The following GALK2 variants were observed in gnomAD, a reference collection of about 807,000 sequenced individuals.
GALK2 encodes N-acetylgalactosamine kinase.
A neutral mutation model predicts 52.4 loss-of-function variants in GALK2; 36 were observed. That is an observed-to-expected ratio of 0.69 (90% CI 0.53 to 0.91). The LOEUF (loss-of-function observed/expected upper bound fraction) is 0.91, where lower values mean the gene tolerates loss of function less well. Among genes scored for constraint, GALK2 ranks in the 40% least tolerant of loss-of-function variants. The pLI, the probability that GALK2 is intolerant of heterozygous loss-of-function variation, is 0.00. For synonymous variants in GALK2, 176 were observed against 199.1 expected (o/e 0.88, Z 0.98); for missense variants, 579 against 559.1 (o/e 1.04, Z -0.36).
chr15:49,234,219 ATTT>A (rs2090664988), intron 3 of GALK2, among the ~76,000 whole-genome samples: 1 of 152,068 alleles, frequency 6.6e-6, no homozygotes. Flanking sequence ...TTATCTGCCT[ATTT>A]TTCATTTTGA....
chr15:49,325,084 T>A (rs2037238813), intron 9 of GALK2, among the ~76,000 whole-genome samples: 1 of 152,184 alleles, frequency 6.6e-6, no homozygotes, highest in Non-Finnish European at 1.5e-5. Context: ...ACTTAGTAAG[T>A]GCTTTATGGT....
intron 3 of GALK2, among the ~76,000 whole-genome samples, chr15:49,354,824 A>G (rs1264736673): frequency 1.3e-5 from 2 of 151,964 alleles, no homozygotes; most frequent in African/African-American, 2.4e-5. Flanking sequence ...TAACCTCTGC[A>G]GACTTAAATG....
chr15:49,161,603 A>T (rs1208143046), intron 1 of GALK2: 1 of 152,202 alleles, frequency 6.6e-6, no homozygotes. Flanking sequence ...AGTGGATCCT[A>T]TGTTTTTAAA....
chr15:49,213,171 C>G (rs1323746221), intron 2 of GALK2, among the ~76,000 whole-genome samples: 1 of 152,112 alleles, frequency 6.6e-6, no homozygotes, highest in African/African-American at 2.4e-5. Flanking sequence ...TCTGAGTGCT[C>G]CAGCATTGGG....
chr15:49,209,896 G>A (rs947386517), intron 2 of GALK2, among the ~76,000 whole-genome samples: 3 of 152,164 alleles, frequency 2.0e-5, no homozygotes, highest in African/African-American at 4.8e-5. Context: ...TTGCAAGTCT[G>A]AAAAGAATTG....
intron 3 of GALK2, among the ~76,000 whole-genome samples, chr15:49,222,119 T>C (rs927657237): frequency 6.6e-6 from 1 of 152,144 alleles, no homozygotes; most frequent in Non-Finnish European, 1.5e-5. Context: ...ATCTTTCATC[T>C]CCTTGGTTAA....
chr15:49,174,637 C>G (rs1167185439), intron 1 of GALK2, among the ~76,000 whole-genome samples: 1 of 152,166 alleles, frequency 6.6e-6, no homozygotes, highest in African/African-American at 2.4e-5. Flanking sequence ...AGCCACAGCA[C>G]TTGGCCTATT....
Position 49,308,671 on chromosome 15 carries a change from G to C in GALK2, c.968-10933G>C, listed in dbSNP as rs564787972. Among the ~76,000 whole-genome samples the C allele has an allele frequency of 3.9e-5, 6 of 152,282 alleles. No individual in the cohort carries two copies. In the South Asian group the frequency reaches 1.2e-3, roughly 32 times the overall value. Reference sequence around the variant, plus strand: ...AAAGAATGAGGGAGATGATGGTCCAGCTCTCCCTTGCAGTCATCAGCTGAC... The same window carrying C: ...AAAGAATGAGGGAGATGATGGTCCACCTCTCCCTTGCAGTCATCAGCTGAC... On this transcript the variant is annotated intron_variant, in intron 8 of 9. Coordinates refer to ENST00000560031, the MANE Select transcript of GALK2 (RefSeq NM_002044.4).
At position 49,155,980 on chromosome 15, in the gene GALK2, G is replaced by A. The variant is rs746434947; in HGVS notation, c.-17G>A. 2.5e-6 allele frequency: 4 copies of A among 1,613,958 alleles called. No individual in the cohort carries two copies. The East Asian group carries it at 6.7e-5, about 27-fold the overall frequency. On this transcript the variant is annotated 5_prime_UTR_variant, in exon 1 of 10. Coordinates refer to the GALK2 transcript ENST00000327171. ...GACAGCTTAGGACCAGAAGCCTTTC[G>A]CGGAGAAAAGGCTGACATGCCCGTC...
intron 1 of GALK2, among the ~76,000 whole-genome samples, chr15:49,188,419 C>G (rs1348846251): frequency 6.6e-6 from 1 of 152,158 alleles, no homozygotes; most frequent in East Asian, 1.9e-4. Context: ...CACTGAATTC[C>G]AAAGCAAAGC....
At chr15:49,310,433 C>T (rs545087438) in intron 8 of GALK2, among the ~76,000 whole-genome samples, 3 of 152,204 alleles carry the variant, frequency 2.0e-5, no homozygotes, top group Admixed American at 1.3e-4. Flanking sequence ...TATGGTAGTT[C>T]TATTTTTAGT....
At chr15:49,163,787 G>A (rs1181313829) in intron 1 of GALK2, among the ~76,000 whole-genome samples, 1 of 152,202 alleles carries the variant, frequency 6.6e-6, no homozygotes, top group Non-Finnish European at 1.5e-5. Flanking sequence ...CTGAAATGCA[G>A]CATATGCCTT....
intron 3 of GALK2, among the ~76,000 whole-genome samples, chr15:49,233,291 C>G (rs2090608837): frequency 6.6e-6 from 1 of 152,070 alleles, no homozygotes. Context: ...TTTTAAATAA[C>G]CAGATCTAGT....
chr15:49,190,178 C>T (rs533076781), intron 1 of GALK2, among the ~76,000 whole-genome samples: 1 of 152,014 alleles, frequency 6.6e-6, no homozygotes, highest in African/African-American at 2.4e-5. Flanking sequence ...TCTAGTATAC[C>T]CTTTCAAATT....
intron 3 of GALK2, among the ~76,000 whole-genome samples, chr15:49,357,808 C>T (rs891299826): frequency 1.2e-4 from 18 of 152,092 alleles, no homozygotes; most frequent in African/African-American, 4.3e-4. Flanking sequence ...AGACCAATAT[C>T]CTTGATGAAC....
intron 8 of GALK2, among the ~76,000 whole-genome samples, chr15:49,294,140 CAAA>C (rs2034223575): frequency 7.1e-6 from 1 of 139,864 alleles, no homozygotes; most frequent in African/African-American, 2.6e-5. Context: ...GACCCTGTCT[CAAA>C]TAAATAAATA....
chr15:49,247,309 C>T (rs756286338), intron 5 of GALK2, among the ~76,000 whole-genome samples: 3 of 151,998 alleles, frequency 2.0e-5, no homozygotes, highest in East Asian at 1.9e-4. Flanking sequence ...TCATTCTAAG[C>T]GTAATGGAAA....
At chr15:49,257,525 G>A (rs187247624) in intron 5 of GALK2, among the ~76,000 whole-genome samples, 9 of 152,274 alleles carry the variant, frequency 5.9e-5, no homozygotes, top group East Asian at 1.9e-4. Flanking sequence ...CTCCTTTAGT[G>A]TAAAGAATAG....
intron 1 of GALK2, 197 bp downstream of exon 1, chr15:49,170,572 C>A (rs2085005526): frequency 1.7e-6 from 1 of 578,158 alleles, no homozygotes; most frequent in East Asian, 2.8e-5. Context: ...TTGACTACTA[C>A]GAAGGGTTGT....
Sources: allele counts gnomAD v4.1 joint callset (sites outside exome capture counted in the v4.1 genomes callset), GRCh38; gene constraint gnomAD v4.1.1; transcripts MANE v1.5; gene names NCBI Gene and HGNC (gene_info 2026-07-23, HGNC 2026-07-21).